Variants in EFNA5 observed in about 807,000 individuals in gnomAD.
EFNA5 encodes ephrin A5.
A neutral mutation model predicts 22.9 loss-of-function variants in EFNA5; 5 were observed. The observed-to-expected ratio is 0.22, with a 90% CI of 0.11 to 0.46. The LOEUF (loss-of-function observed/expected upper bound fraction) is 0.46. EFNA5 is among the 20% of genes least tolerant of loss of function. The pLI is 0.99. For synonymous variants in EFNA5, 113 were observed against 112.2 expected, an observed-to-expected ratio of 1.01 and a Z score of -0.04; for missense variants, 237 against 293.3, an observed-to-expected ratio of 0.81 and a Z score of 1.40.
intron 1 of EFNA5, among the ~76,000 whole-genome samples, chr5:107,564,958 T>C (rs984620045): frequency 2.6e-5 from 4 of 152,166 alleles, no homozygotes; most frequent in African/African-American, 7.2e-5. Flanking sequence ...AAGTAAGTTG[T>C]ATGTGACCTT....
intron 1 of EFNA5, among the ~76,000 whole-genome samples, chr5:107,523,783 G>A (rs848827): frequency 0.34 from 51,435 of 152,060 alleles, 9,184 homozygotes; most frequent in Middle Eastern, 0.48. Flanking sequence ...CTTTATGCAG[G>A]TGAGCAATGC....
intron 1 of EFNA5, among the ~76,000 whole-genome samples, chr5:107,609,570 A>G (rs1178900500): frequency 2.0e-5 from 3 of 152,200 alleles, no homozygotes; most frequent in African/African-American, 7.2e-5. Flanking sequence ...AAAACAGGGA[A>G]GAAAAATTGC....
chr5:107,390,522 A>G (rs1747763052), intron 2 of EFNA5, among the ~76,000 whole-genome samples: 1 of 152,160 alleles, frequency 6.6e-6, no homozygotes, highest in Non-Finnish European at 1.5e-5. Context: ...TCAATTTATG[A>G]GCAATAGATA....
chr5:107,425,609 T>G (rs1748790773), intron 2 of EFNA5, among the ~76,000 whole-genome samples: 1 of 152,228 alleles, frequency 6.6e-6, no homozygotes, highest in Admixed American at 6.5e-5. Context: ...ATTCCTTTTC[T>G]TGTTTTATGG....
intron 2 of EFNA5, among the ~76,000 whole-genome samples, chr5:107,422,718 A>G (rs1388444314): frequency 6.6e-6 from 1 of 152,068 alleles, no homozygotes; most frequent in Non-Finnish European, 1.5e-5. Flanking sequence ...ACCATGGAGG[A>G]CCTTGCTGGC....
chr5:107,628,855 T>C (rs999717866), intron 1 of EFNA5, among the ~76,000 whole-genome samples: 3 of 152,160 alleles, frequency 2.0e-5, no homozygotes, highest in Admixed American at 1.3e-4. Context: ...TGTTCATTAT[T>C]ACAATACTAA....
At chr5:107,521,973 T>A (rs1747608635) in intron 1 of EFNA5, among the ~76,000 whole-genome samples, 1 of 152,146 alleles carries the variant, frequency 6.6e-6, no homozygotes, top group South Asian at 2.1e-4. Flanking sequence ...GGACTACAGG[T>A]ACACCATCTT....
At chr5:107,571,768 T>G (rs1748812541) in intron 1 of EFNA5, among the ~76,000 whole-genome samples, 1 of 152,164 alleles carries the variant, frequency 6.6e-6, no homozygotes, top group African/African-American at 2.4e-5. Flanking sequence ...AACAAAGCTC[T>G]GCACTGCGTT....
chr5:107,536,769 G>C (rs1407046471), intron 1 of EFNA5, among the ~76,000 whole-genome samples: 1 of 152,144 alleles, frequency 6.6e-6, no homozygotes, highest in Non-Finnish European at 1.5e-5. Context: ...GAGACACAGG[G>C]AACACACGGC....
At chr5:107,421,772 C>A (rs1748674375) in intron 2 of EFNA5, among the ~76,000 whole-genome samples, 1 of 150,556 alleles carries the variant, frequency 6.6e-6, no homozygotes. Context: ...GACCCCAGGA[C>A]TTTATCTCCT....
chr5:107,561,141 T>C (rs1355073897), intron 1 of EFNA5, among the ~76,000 whole-genome samples: 1 of 152,148 alleles, frequency 6.6e-6, no homozygotes, highest in Non-Finnish European at 1.5e-5. Context: ...TAAGCATACC[T>C]GGACAATTTC....
At chr5:107,598,076 T>C (rs901655661) in intron 1 of EFNA5, among the ~76,000 whole-genome samples, 5 of 152,188 alleles carry the variant, frequency 3.3e-5, no homozygotes, top group African/African-American at 4.8e-5. Context: ...TCAAAGATAA[T>C]AGAAAATCAT....
chr5:107,411,046 CTTTAA>C (rs1223421570), intron 2 of EFNA5, among the ~76,000 whole-genome samples: 1 of 151,058 alleles, frequency 6.6e-6, no homozygotes, highest in African/African-American at 2.4e-5. Context: ...AAACCACATT[CTTTAA>C]TTTGTTGACC....
At chr5:107,521,675 G>A (rs1747603376) in intron 1 of EFNA5, among the ~76,000 whole-genome samples, 1 of 151,908 alleles carries the variant, frequency 6.6e-6, no homozygotes. Context: ...CCAGCTTCGT[G>A]ACAGATACTG....
intron 1 of EFNA5, among the ~76,000 whole-genome samples, chr5:107,484,066 T>A (rs1750552745): frequency 6.6e-6 from 1 of 152,200 alleles, no homozygotes; most frequent in Non-Finnish European, 1.5e-5. Flanking sequence ...CTGTGTACTG[T>A]CCCATGGTAC....
intron 1 of EFNA5, among the ~76,000 whole-genome samples, chr5:107,615,810 T>C (rs1749901201): frequency 6.6e-6 from 1 of 152,172 alleles, no homozygotes; most frequent in South Asian, 2.1e-4. Context: ...CCATCTTTTC[T>C]TCCCTCCAGT....
chr5:107,573,603 G>A (rs1381374634), intron 1 of EFNA5, among the ~76,000 whole-genome samples: 2 of 152,024 alleles, frequency 1.3e-5, no homozygotes, highest in Non-Finnish European at 2.9e-5. Context: ...TATCCTATGT[G>A]GATAGTACAG....
At chr5:107,537,760 A>G (rs1747958290) in intron 1 of EFNA5, among the ~76,000 whole-genome samples, 1 of 152,170 alleles carries the variant, frequency 6.6e-6, no homozygotes, top group Non-Finnish European at 1.5e-5. Flanking sequence ...AGCCATGCAA[A>G]CCAAATTTCT....
intron 2 of EFNA5, among the ~76,000 whole-genome samples, chr5:107,412,354 T>C (rs1306433165): frequency 6.6e-6 from 1 of 152,120 alleles, no homozygotes; most frequent in Non-Finnish European, 1.5e-5. Context: ...TAAGGACCCA[T>C]AATAGTTTGT....
Sources: allele counts gnomAD v4.1 joint callset (sites outside exome capture counted in the v4.1 genomes callset), GRCh38; gene constraint gnomAD v4.1.1; transcripts MANE v1.5; gene names NCBI Gene and HGNC (gene_info 2026-07-23, HGNC 2026-07-21).